LINGO2: variants seen among roughly 807,000 people sequenced by gnomAD.
LINGO2 encodes leucine rich repeat and Ig domain containing 2.
In LINGO2, 14 loss-of-function variants were observed where a neutral mutation model predicts 30.6. The ratio of observed to expected loss-of-function variants is 0.46; its 90% CI spans 0.30 to 0.72. The LOEUF is 0.72. Among genes scored for constraint, LINGO2 ranks in the 30% least tolerant of loss-of-function variants. The probability of loss-of-function intolerance (pLI) is 0.07; values close to 1 mark genes in which losing one functional copy is unlikely to be tolerated. For missense variants in LINGO2, 729 were observed against 751.7 expected, an observed-to-expected ratio of 0.97 and a Z score of 0.35; for synonymous variants, 317 against 288.5, an observed-to-expected ratio of 1.10 and a Z score of -1.00.
At chr9:28,871,981 G>C in the LINGO2 span, among the ~76,000 whole-genome samples, 1 of 151,900 alleles carries the variant, frequency 6.6e-6, no homozygotes, top group African/African-American at 2.4e-5. Context: ...TCTTTTACTT[G>C]AGGGGAGTGT....
chr9:28,274,112 C>G (rs1406048728), intron 4 of LINGO2, among the ~76,000 whole-genome samples: 1 of 152,140 alleles, frequency 6.6e-6, no homozygotes, highest in South Asian at 2.1e-4. Context: ...ATGATGACAT[C>G]TATGGACATA....
At chr9:28,773,190 C>T in the LINGO2 span, among the ~76,000 whole-genome samples, 1 of 151,842 alleles carries the variant, frequency 6.6e-6, no homozygotes. Context: ...ACAGTGAAAC[C>T]CTGTCTCTAC....
intron 1 of LINGO2, among the ~76,000 whole-genome samples, chr9:28,631,208 G>C (rs923640809): frequency 6.6e-6 from 1 of 151,250 alleles, no homozygotes; most frequent in African/African-American, 2.4e-5. Context: ...TGTGCACAAG[G>C]TGCAGGTTTG....
the LINGO2 span, among the ~76,000 whole-genome samples, chr9:28,973,223 T>C: frequency 1.3e-5 from 2 of 151,898 alleles, no homozygotes; most frequent in Non-Finnish European, 2.9e-5. Context: ...GAAGACTACC[T>C]CAAGGCATTT....
At chr9:28,353,311 A>G (rs1172687117) in intron 3 of LINGO2, among the ~76,000 whole-genome samples, 4 of 150,040 alleles carry the variant, frequency 2.7e-5, no homozygotes, top group African/African-American at 7.3e-5. Flanking sequence ...TACAAGAAAA[A>G]AACAAACAAC....
At chr9:28,968,995 A>G in the LINGO2 span, among the ~76,000 whole-genome samples, 2 of 152,232 alleles carry the variant, frequency 1.3e-5, no homozygotes, top group African/African-American at 4.8e-5. Flanking sequence ...GCACAAGTAT[A>G]TAACATAGTG....
At chr9:28,152,734 A>G (rs1292632165) in intron 4 of LINGO2, among the ~76,000 whole-genome samples, 1 of 152,202 alleles carries the variant, frequency 6.6e-6, no homozygotes, top group Non-Finnish European at 1.5e-5. Context: ...GGATCAAATA[A>G]TTAAATGTAA....
At chr9:28,795,347 G>C in the LINGO2 span, among the ~76,000 whole-genome samples, 8 of 152,216 alleles carry the variant, frequency 5.3e-5, no homozygotes, top group East Asian at 1.4e-3. Flanking sequence ...TATTCAATTT[G>C]ACAGTCTTGT....
intron 3 of LINGO2, among the ~76,000 whole-genome samples, chr9:28,354,580 G>T (rs565565703): frequency 6.6e-6 from 1 of 152,124 alleles, no homozygotes. Flanking sequence ...AAGAAACATG[G>T]GGTGAAATAA....
chr9:28,616,158 C>T (rs996647622), intron 1 of LINGO2, among the ~76,000 whole-genome samples: 4 of 151,866 alleles, frequency 2.6e-5, no homozygotes, highest in East Asian at 1.9e-4. Context: ...TATGCTATAC[C>T]GTAATGAAAA....
intron 4 of LINGO2, among the ~76,000 whole-genome samples, chr9:28,188,417 T>C (rs952351064): frequency 2.0e-5 from 3 of 152,154 alleles, no homozygotes; most frequent in African/African-American, 7.2e-5. Context: ...CCATCCTCTC[T>C]TCAACCACCT....
rs114840211 is a variant in LINGO2 at position 28,027,023 on chromosome 9, T to C, written c.-86-14618A>G. 1.7e-3 allele frequency among the ~76,000 whole-genome samples: 260 copies of C among 152,288 alleles called. 1 individual carries two copies. Among genetic ancestry groups the C allele is most frequent in the African/African-American group, 6.1e-3 (253 of 41,574 alleles). ...ATCTTTCCTGACAGGCTGCCAGCTG[T>C]ATAGGGGCAAGCACCATGACATTCT... On this transcript the variant is annotated intron_variant, in intron 4 of 5. Transcript: ENST00000379992.
the LINGO2 span, among the ~76,000 whole-genome samples, chr9:28,796,474 C>G: frequency 6.6e-6 from 1 of 151,992 alleles, no homozygotes; most frequent in African/African-American, 2.4e-5. Context: ...ATGGCAAGCA[C>G]AGCCTATATA....
Position 28,564,912 on chromosome 9 carries a change from C to A in LINGO2, c.-364-88887G>T, listed in dbSNP as rs75837287. Among the ~76,000 whole-genome samples the A allele has an allele frequency of 2.1e-3, 320 of 152,186 alleles. 2 individuals carry two copies. The highest frequency in any genetic ancestry group is 7.3e-3 in the African/African-American group (305 of 41,574). ...CATTGCAGAGTTCTATGGCACAGCA[C>A]TGCTGCATACCTGCCCTGAGGTTCT... On this transcript the variant is annotated intron_variant, in intron 1 of 5. Coordinates refer to ENST00000379992, the Ensembl canonical transcript of LINGO2.
At chr9:28,151,649 T>C (rs1039260863) in intron 4 of LINGO2, among the ~76,000 whole-genome samples, 15 of 151,772 alleles carry the variant, frequency 9.9e-5, no homozygotes, top group Non-Finnish European at 1.0e-4. Context: ...CATTTGAAGT[T>C]GATAGGATTT....
At chr9:27,996,667 G>A (rs1177403410) in intron 5 of LINGO2, among the ~76,000 whole-genome samples, 1 of 152,114 alleles carries the variant, frequency 6.6e-6, no homozygotes, top group African/African-American at 2.4e-5. Context: ...CAGTTAGATA[G>A]AATTAATAAA....
chr9:28,203,040 A>C (rs1476632075), intron 4 of LINGO2, among the ~76,000 whole-genome samples: 1 of 152,224 alleles, frequency 6.6e-6, no homozygotes, highest in East Asian at 1.9e-4. Context: ...CAAATATTAA[A>C]ATTTTAAAAC....
chr9:28,702,625 G>A, the LINGO2 span, among the ~76,000 whole-genome samples: 3 of 151,708 alleles, frequency 2.0e-5, no homozygotes, highest in Admixed American at 2.0e-4. Context: ...GCCTGGTTTT[G>A]GTATTAAGTT....
chr9:28,462,414 TAAA>T (rs61677547), intron 2 of LINGO2, among the ~76,000 whole-genome samples: 2 of 89,096 alleles, frequency 2.2e-5, no homozygotes, highest in African/African-American at 8.6e-5. Context: ...ATGCTCTAGC[TAAA>T]AAAAAAAAAA....
Sources: allele counts gnomAD v4.1 joint callset (sites outside exome capture counted in the v4.1 genomes callset), GRCh38; gene constraint gnomAD v4.1.1; transcripts MANE v1.5; gene names NCBI Gene and HGNC (gene_info 2026-07-23, HGNC 2026-07-21).